Variants in SPAG16 observed in about 807,000 individuals in gnomAD.
SPAG16 encodes sperm-associated antigen 16 protein.
In SPAG16, 86 loss-of-function variants were observed where a neutral mutation model predicts 80.4. The observed-to-expected ratio is 1.07, with a 90% CI of 0.90 to 1.28. The LOEUF (loss-of-function observed/expected upper bound fraction) is 1.28, where lower values mean the gene tolerates loss of function less well. Among genes scored for constraint, SPAG16 ranks in the 50% most tolerant of loss-of-function variants. SPAG16 has a pLI of 0.00. For synonymous variants in SPAG16, 294 were observed against 265.9 expected (o/e 1.11, Z -1.03); for missense variants, 870 against 765.3 (o/e 1.14, Z -1.61).
chr2:214,371,061 A>G (rs1699783292), intron 15 of SPAG16, among the ~76,000 whole-genome samples: 1 of 152,108 alleles, frequency 6.6e-6, no homozygotes, highest in Non-Finnish European at 1.5e-5. Context: ...TAATGGAGGC[A>G]TTGTCAGTTT....
At chr2:214,406,502 G>A (rs1702004336) in intron 15 of SPAG16, among the ~76,000 whole-genome samples, 1 of 151,988 alleles carries the variant, frequency 6.6e-6, no homozygotes, top group African/African-American at 2.4e-5. Flanking sequence ...GCTTAAATTA[G>A]TAAGTATATT....
chr2:213,839,042 A>G (rs2074239725), intron 10 of SPAG16, among the ~76,000 whole-genome samples: 1 of 152,244 alleles, frequency 6.6e-6, no homozygotes, highest in Non-Finnish European at 1.5e-5. Flanking sequence ...AAGGTTTGTC[A>G]TAGAAAAAAA....
intron 15 of SPAG16, among the ~76,000 whole-genome samples, chr2:214,209,120 C>T (rs1444360127): frequency 6.6e-6 from 1 of 152,098 alleles, no homozygotes; most frequent in Non-Finnish European, 1.5e-5. Context: ...CTAAAAGGAT[C>T]CTTTCCTACC....
chr2:214,175,079 G>C (rs1206549612), intron 15 of SPAG16, among the ~76,000 whole-genome samples: 1 of 151,184 alleles, frequency 6.6e-6, no homozygotes, highest in Non-Finnish European at 1.5e-5. Flanking sequence ...TAATTCTTGG[G>C]TTGCAGTCAA....
At chr2:213,292,157 A>G (rs1235460694) in intron 1 of SPAG16, among the ~76,000 whole-genome samples, 1 of 152,200 alleles carries the variant, frequency 6.6e-6, no homozygotes, top group African/African-American at 2.4e-5. Context: ...TTACAACTTT[A>G]AAGTCTATCC....
At chr2:214,398,030 A>G (rs1320768196) in intron 15 of SPAG16, among the ~76,000 whole-genome samples, 2 of 152,162 alleles carry the variant, frequency 1.3e-5, no homozygotes, top group Admixed American at 1.3e-4. Context: ...CCAATAAGGG[A>G]AAATTTTTAC....
chr2:213,672,839 T>C (rs1283541330), intron 10 of SPAG16, among the ~76,000 whole-genome samples: 1 of 151,382 alleles, frequency 6.6e-6, no homozygotes, highest in African/African-American at 2.4e-5. Flanking sequence ...TTTTTTTTGT[T>C]TGTTTGTTTT....
chr2:214,171,919 A>G (rs1262567501), intron 15 of SPAG16, among the ~76,000 whole-genome samples: 2 of 151,934 alleles, frequency 1.3e-5, no homozygotes, highest in Admixed American at 1.3e-4. Context: ...TGGGGTACAT[A>G]TAGATAAATG....
intron 3 of SPAG16, among the ~76,000 whole-genome samples, chr2:213,308,744 T>G (rs1288986521): frequency 6.6e-6 from 1 of 152,148 alleles, no homozygotes; most frequent in Non-Finnish European, 1.5e-5. Context: ...AGTGGTCTTA[T>G]ATCTGGTGGT....
At position 213,953,616 on chromosome 2, in the gene SPAG16, AAAG is replaced by A. The variant is rs1161154087; in HGVS notation, c.1400+23474_1400+23476del. On this transcript the variant is annotated intron_variant, in intron 12 of 15. Coordinates refer to ENST00000331683, the MANE Select transcript of SPAG16 (RefSeq NM_024532.5). ...AGAAATCAATTTAAGGAAAAATTAA[AAAG>A]AAAAAAATTTTTAAATTATTAGCAT... 2.6e-5 allele frequency among the ~76,000 whole-genome samples: 4 copies of A among 152,066 alleles called. No individual in the cohort carries two copies. The East Asian group carries it at 5.8e-4, about 22-fold the overall frequency.
In SPAG16 at chr2:213,296,079, A is replaced by C. The variant is rs776689125; in HGVS notation, c.152A>C (p.Glu51Ala). 8.8e-5 allele frequency: 141 copies of C among 1,609,872 alleles called. No homozygotes were observed. The highest frequency in any genetic ancestry group is 1.2e-4 in the Non-Finnish European group (138 of 1,176,924). The change falls in exon 2 of 16, where the codon GAA becomes GCA. Residue 51 changes from glutamate to alanine, a missense_variant. Physicochemically the swap from Glu to Ala is moderately radical, Grantham distance 107. Transcript: ENST00000331683. The part of the protein sequence containing the change: ...AYYLEQVTIT[E>A]ASEDDYEYEE... The stretch of plus-strand genomic sequence containing the variant: ...AGATATTCAGAGGTCACCATAACTG[A>C]AGCATCTGAAGATGACTATGAATAT...
chr2:213,419,458 G>A (rs1230919793), intron 9 of SPAG16, among the ~76,000 whole-genome samples: 2 of 152,032 alleles, frequency 1.3e-5, no homozygotes, highest in Admixed American at 6.6e-5. Context: ...AAATGAATAA[G>A]GGATGAAGAA....
chr2:214,336,529 TA>T (rs1697301767), intron 15 of SPAG16, among the ~76,000 whole-genome samples: 1 of 152,140 alleles, frequency 6.6e-6, no homozygotes, highest in East Asian at 1.9e-4. Context: ...AGAACCAGGA[TA>T]ACTGATGCAA....
intron 15 of SPAG16, among the ~76,000 whole-genome samples, chr2:214,306,174 C>A (rs1309920588): frequency 6.6e-6 from 1 of 152,016 alleles, no homozygotes; most frequent in Non-Finnish European, 1.5e-5. Flanking sequence ...TTGGCTCTTT[C>A]TTTGACTGTT....
At chr2:213,323,699 A>G (rs866569572) in intron 5 of SPAG16, among the ~76,000 whole-genome samples, 28 of 152,326 alleles carry the variant, frequency 1.8e-4, no homozygotes, top group Middle Eastern at 6.8e-3. Flanking sequence ...AGCATTATTC[A>G]CAACAGCCAA....
chr2:213,789,858 TA>T (rs1390569881), intron 10 of SPAG16, among the ~76,000 whole-genome samples: 1 of 151,992 alleles, frequency 6.6e-6, no homozygotes, highest in Non-Finnish European at 1.5e-5. Flanking sequence ...AAGTTAAAAA[TA>T]ATTTGTAAAT....
At chr2:214,162,551 A>C (rs1045410437) in intron 15 of SPAG16, among the ~76,000 whole-genome samples, 1 of 152,112 alleles carries the variant, frequency 6.6e-6, no homozygotes, top group Non-Finnish European at 1.5e-5. Context: ...AGTTTTCTTA[A>C]CACCACCAAC....
intron 10 of SPAG16, among the ~76,000 whole-genome samples, chr2:213,597,981 A>T (rs2060939002): frequency 6.6e-6 from 1 of 152,098 alleles, no homozygotes; most frequent in Non-Finnish European, 1.5e-5. Flanking sequence ...TTTACCATTT[A>T]TTCTCTCTGA....
intron 6 of SPAG16, among the ~76,000 whole-genome samples, chr2:213,343,318 T>C: frequency 6.6e-6 from 1 of 152,144 alleles, no homozygotes; most frequent in East Asian, 1.9e-4. Flanking sequence ...AGTGTTGCTT[T>C]AGAATTTTTC....
Sources: allele counts gnomAD v4.1 joint callset (sites outside exome capture counted in the v4.1 genomes callset), GRCh38; gene constraint gnomAD v4.1.1; transcripts MANE v1.5; gene names NCBI Gene and HGNC (gene_info 2026-07-23, HGNC 2026-07-21).